C12orf42: variants seen among roughly 807,000 people sequenced by gnomAD.
C12orf42 encodes uncharacterized protein C12orf42.
A neutral mutation model predicts 21.6 loss-of-function variants in C12orf42; 25 were observed. The observed-to-expected ratio is 1.16, with a 90% CI of 0.84 to 1.62. The LOEUF (loss-of-function observed/expected upper bound fraction) is 1.62. C12orf42 is among the 40% of genes most tolerant of loss of function. The probability of loss-of-function intolerance (pLI) is 0.00; values close to 1 mark genes in which losing one functional copy is unlikely to be tolerated. For missense variants in C12orf42, 483 were observed against 459.3 expected (o/e 1.05, Z -0.47); for synonymous variants, 174 against 175.0 (o/e 0.99, Z 0.05).
chr12:103,331,226 C>T (rs1319083393), intron 4 of C12orf42, among the ~76,000 whole-genome samples: 4 of 152,216 alleles, frequency 2.6e-5, no homozygotes, highest in East Asian at 1.9e-4. Context: ...TATCACCTAA[C>T]ACAAAGCCTA....
rs1399105886 is a variant in C12orf42, at chr12:103,256,105, TATATATACACACACAC to T, written c.*1366+7205_*1366+7220del. ...AAAAAAATATATATATATATATATA[TATATATACACACACAC>T]ACACACACACACACACACACACACG... On this transcript the variant is annotated intron_variant and NMD_transcript_variant, in intron 10 of 10. Transcript: ENST00000547347. 1.1e-3 allele frequency among the ~76,000 whole-genome samples: 41 copies of T among 37,848 alleles called. 1 individual carries two copies. The highest frequency in any genetic ancestry group is 1.3e-3 in the Non-Finnish European group (25 of 19,496). 24.8% of individuals were successfully genotyped at this position (37,848 alleles called of 152,430 possible). A position where few individuals can be genotyped will look rare whatever the true frequency, so the allele number is the denominator to read the frequency against.
At chr12:103,192,502 C>CAAAAA in the C12orf42 span, among the ~76,000 whole-genome samples, 678 of 104,470 alleles carry the variant, frequency 6.5e-3, 7 homozygotes, top group Non-Finnish European at 8.4e-3. Flanking sequence ...GACTCCATCT[C>CAAAAA]AAAAAAAAAA....
At chr12:103,253,452 T>C (rs2034404619) in intron 10 of C12orf42, among the ~76,000 whole-genome samples, 1 of 152,206 alleles carries the variant, frequency 6.6e-6, no homozygotes. Context: ...GGAATTTTTT[T>C]CCATCCGTTT....
In C12orf42 at chr12:103,480,015, A is replaced by G. The variant is rs148598329; in HGVS notation, c.-21-1568T>C. On this transcript the variant is annotated intron_variant, in intron 1 of 5. Coordinates refer to ENST00000548883, the MANE Select transcript of C12orf42 (RefSeq NM_198521.5). The stretch of plus-strand genomic sequence containing the variant: ...TGATAGTTTGTATAGGATTTAAATT[A>G]CTTGCCCCTTAAATATCTGAATAAC... 8.0e-4 allele frequency among the ~76,000 whole-genome samples: 121 copies of G among 152,074 alleles called. 1 individual carries two copies. Among genetic ancestry groups the G allele is most frequent in the Admixed American group, 2.0e-3 (31 of 15,276 alleles).
At chr12:103,433,408 C>T (rs1273689456) in intron 2 of C12orf42, among the ~76,000 whole-genome samples, 1 of 152,154 alleles carries the variant, frequency 6.6e-6, no homozygotes. Flanking sequence ...ACTCATTGTT[C>T]AACCTCAGGA....
At chr12:103,230,129 C>T in the C12orf42 span, among the ~76,000 whole-genome samples, 554 of 151,460 alleles carry the variant, frequency 3.7e-3, 2 homozygotes, top group African/African-American at 0.013. Context: ...GAAAACAACA[C>T]ACAATTATTA....
At chr12:103,186,385 G>A in the C12orf42 span, among the ~76,000 whole-genome samples, 1 of 152,130 alleles carries the variant, frequency 6.6e-6, no homozygotes, top group Non-Finnish European at 1.5e-5. Flanking sequence ...TAAATTTTCA[G>A]TGATGGTGGT....
chr12:103,351,787 G>T (rs1416388571), intron 4 of C12orf42, among the ~76,000 whole-genome samples: 1 of 152,024 alleles, frequency 6.6e-6, no homozygotes, highest in Admixed American at 6.6e-5. Flanking sequence ...TTTAACTGGT[G>T]TCCAAAAATA....
chr12:103,209,825 A>G, the C12orf42 span, among the ~76,000 whole-genome samples: 1 of 152,194 alleles, frequency 6.6e-6, no homozygotes, highest in Admixed American at 6.5e-5. Flanking sequence ...ACGTCTATGT[A>G]TACGGTGGAA....
At chr12:103,530,405 G>T in the C12orf42 span, among the ~76,000 whole-genome samples, 2 of 152,170 alleles carry the variant, frequency 1.3e-5, no homozygotes, top group African/African-American at 2.4e-5. Flanking sequence ...TCTCCAGATC[G>T]CCCCTGCCTC....
At chr12:103,187,812 G>T in the C12orf42 span, among the ~76,000 whole-genome samples, 40 of 152,226 alleles carry the variant, frequency 2.6e-4, no homozygotes, top group African/African-American at 8.9e-4. Context: ...TGTAGCACTT[G>T]CTAGCTACAC....
the C12orf42 span, among the ~76,000 whole-genome samples, chr12:103,131,424 A>G: frequency 6.6e-6 from 1 of 152,170 alleles, no homozygotes; most frequent in South Asian, 2.1e-4. Context: ...CCCAAACTGC[A>G]TTCCAATCCA....
At chr12:103,288,721 G>C (rs998215672) in intron 4 of C12orf42, among the ~76,000 whole-genome samples, 1 of 152,092 alleles carries the variant, frequency 6.6e-6, no homozygotes, top group Non-Finnish European at 1.5e-5. Flanking sequence ...ATGGTAAGAT[G>C]CTTTATTTAT....
the C12orf42 span, among the ~76,000 whole-genome samples, chr12:103,109,471 A>C: frequency 1.3e-5 from 2 of 152,058 alleles, no homozygotes; most frequent in African/African-American, 4.8e-5. Context: ...CACTGACAAC[A>C]TGTTCTGGGA....
the C12orf42 span, among the ~76,000 whole-genome samples, chr12:103,156,927 G>A: frequency 5.7e-4 from 86 of 152,182 alleles, no homozygotes; most frequent in African/African-American, 2.0e-3. Flanking sequence ...TAATGCTGCA[G>A]TAAACATATA....
At chr12:103,334,630 C>G (rs890169115) in intron 4 of C12orf42, among the ~76,000 whole-genome samples, 1 of 152,120 alleles carries the variant, frequency 6.6e-6, no homozygotes, top group Non-Finnish European at 1.5e-5. Context: ...GCCACTAGAT[C>G]CCAGCCACGA....
the C12orf42 span, among the ~76,000 whole-genome samples, chr12:103,222,064 G>A: frequency 6.6e-6 from 1 of 152,122 alleles, no homozygotes; most frequent in African/African-American, 2.4e-5. Context: ...ATGAGAGCAG[G>A]CCCAAGATGT....
At chr12:103,511,617 T>C in the C12orf42 span, among the ~76,000 whole-genome samples, 39 of 151,518 alleles carry the variant, frequency 2.6e-4, no homozygotes, top group African/African-American at 8.3e-4. Flanking sequence ...GAAGCATAGA[T>C]AAATGCATCC....
the C12orf42 span, among the ~76,000 whole-genome samples, chr12:103,117,857 C>T: frequency 6.6e-6 from 1 of 152,118 alleles, no homozygotes; most frequent in African/African-American, 2.4e-5. Context: ...ATGCTTACTC[C>T]CCAGCTTATT....
Sources: gnomAD v4.1 joint callset for allele counts (sites outside exome capture counted in the v4.1 genomes callset) on GRCh38, gnomAD v4.1.1 for gene constraint, MANE v1.5 for transcripts, NCBI Gene and HGNC (gene_info 2026-07-23, HGNC 2026-07-21) for gene names.